The following H3-7 variants were observed in gnomAD, a reference collection of about 807,000 sequenced individuals.
H3-7 encodes H3.7 histone (putative).
chr1:143,904,503 C>A, the H3-7 span: 3 of 1,605,090 alleles, frequency 1.9e-6, no homozygotes, highest in African/African-American at 2.7e-5. Context: ...GCTCTCCTTG[C>A]GGCTGCGCTT....
chr1:143,905,957 T>G, the H3-7 span: 2 of 1,579,806 alleles, frequency 1.3e-6, no homozygotes, highest in African/African-American at 2.7e-5. Context: ...GTCTGCTTAG[T>G]ACGGGCCATG....
chr1:143,902,395 A>G, the H3-7 span, among the ~76,000 whole-genome samples: 5 of 147,246 alleles, frequency 3.4e-5, no homozygotes, highest in Non-Finnish European at 6.1e-5. Flanking sequence ...ACCACATTTT[A>G]TATCTTTTAA....
At chr1:143,904,442 G>A in the H3-7 span, 12 of 1,585,304 alleles carry the variant, frequency 7.6e-6, 1 homozygote, top group African/African-American at 2.7e-5. Flanking sequence ...TGGACGAGAT[G>A]CCGGTGTCGG....
chr1:143,904,328 G>T, the H3-7 span: 1 of 1,582,580 alleles, frequency 6.3e-7, no homozygotes, highest in South Asian at 1.1e-5. Context: ...GGATCTCGCG[G>T]GACGTGATGG....
chr1:143,903,900 G>T, the H3-7 span, among the ~76,000 whole-genome samples: 1 of 144,634 alleles, frequency 6.9e-6, no homozygotes, highest in African/African-American at 2.5e-5. Flanking sequence ...GGCTGAAGGG[G>T]TGTAGAACCA....
chr1:143,903,850 A>G, the H3-7 span, among the ~76,000 whole-genome samples: 3 of 137,458 alleles, frequency 2.2e-5, no homozygotes, highest in South Asian at 7.8e-4. Context: ...CATTACTTTC[A>G]GAAACAAAAA....
the H3-7 span, chr1:143,905,414 C>G: frequency 4.5e-6 from 3 of 659,582 alleles, 1 homozygote; most frequent in Non-Finnish European, 2.6e-6. Flanking sequence ...GGTTCTGTAA[C>G]GTCACCCACC....
At chr1:143,905,348 A>G in the H3-7 span, 1 of 540,486 alleles carries the variant, frequency 1.9e-6, no homozygotes. Context: ...CCGGAACCAC[A>G]AGGACCATGC....
the H3-7 span, chr1:143,905,831 T>A: frequency 6.3e-7 from 1 of 1,582,244 alleles, no homozygotes; most frequent in Non-Finnish European, 8.7e-7. Context: ...AGAGCCACGG[T>A]GCCGGGCCGG....
the H3-7 span, chr1:143,905,948 T>C: frequency 6.3e-7 from 1 of 1,580,138 alleles, no homozygotes. Flanking sequence ...TTGCGGGCAG[T>C]CTGCTTAGTA....
the H3-7 span, chr1:143,905,766 G>A: frequency 4.8e-5 from 76 of 1,582,038 alleles, 9 homozygotes; most frequent in Middle Eastern, 3.4e-4. Context: ...GCCGCTGGAA[G>A]GGCAGCTTGC....
the H3-7 span, chr1:143,904,107 C>A: frequency 2.4e-6 from 2 of 841,230 alleles, no homozygotes; most frequent in Non-Finnish European, 3.7e-6. Flanking sequence ...CCCTACCTGA[C>A]CAAAAGCTAT....
the H3-7 span, chr1:143,905,609 T>C: frequency 6.3e-7 from 1 of 1,582,380 alleles, no homozygotes; most frequent in Non-Finnish European, 8.7e-7. Flanking sequence ...TTGGGCATGA[T>C]GGTCACGCGC....
the H3-7 span, chr1:143,905,730 A>C: frequency 6.3e-7 from 1 of 1,581,766 alleles, no homozygotes; most frequent in East Asian, 2.3e-5. Flanking sequence ...GGTCCGTCTT[A>C]AACTCCTGCG....
the H3-7 span, chr1:143,904,648 A>G: frequency 1.9e-6 from 3 of 1,569,474 alleles, no homozygotes; most frequent in East Asian, 2.3e-5. Context: ...AGTAATCCGA[A>G]CTACCGCAAA....
chr1:143,904,674 G>T, the H3-7 span: 2 of 1,486,294 alleles, frequency 1.3e-6, no homozygotes, highest in African/African-American at 1.4e-5. Flanking sequence ...CTGGTTATGC[G>T]CTACTTATAG....
the H3-7 span, chr1:143,904,656 A>G: frequency 6.4e-7 from 1 of 1,557,084 alleles, no homozygotes; most frequent in Non-Finnish European, 8.8e-7. Flanking sequence ...GAACTACCGC[A>G]AAACGGGCTG....
the H3-7 span, among the ~76,000 whole-genome samples, chr1:143,902,619 C>A: frequency 2.1e-5 from 3 of 144,206 alleles, no homozygotes; most frequent in Admixed American, 7.0e-5. Flanking sequence ...TTGAGTTATT[C>A]AAGTTTTGAA....
the H3-7 span, chr1:143,905,592 G>A: frequency 6.3e-7 from 1 of 1,581,958 alleles, no homozygotes; most frequent in African/African-American, 1.3e-5. Context: ...TGACCAACTG[G>A]ATGTCCTTGG....
Sources: gnomAD v4.1 joint callset for allele counts (sites outside exome capture counted in the v4.1 genomes callset) on GRCh38, gnomAD v4.1.1 for gene constraint, MANE v1.5 for transcripts, NCBI Gene and HGNC (gene_info 2026-07-23, HGNC 2026-07-21) for gene names.